The following CSF2RA variants were observed in gnomAD, a reference collection of about 807,000 sequenced individuals.
CSF2RA encodes the protein granulocyte-macrophage colony-stimulating factor receptor subunit alpha.
A neutral mutation model predicts 51.6 loss-of-function variants in CSF2RA; 42 were observed. The observed-to-expected ratio is 0.81, with a 90% confidence interval of 0.64 to 1.05. CSF2RA has a LOEUF of 1.05. Among genes scored for constraint, CSF2RA ranks in the 50% least tolerant of loss-of-function variants. The pLI, the probability that CSF2RA is intolerant of heterozygous loss-of-function variation, is 0.00. For synonymous variants in CSF2RA, 222 were observed against 193.0 expected, an observed-to-expected ratio of 1.15 and a Z score of -1.24; for missense variants, 530 against 501.1, an observed-to-expected ratio of 1.06 and a Z score of -0.55.
In CSF2RA at chrX:1,284,385, T is replaced by A. The variant is rs1292069902; in HGVS notation, c.77-1393T>A. On this transcript the variant is annotated intron_variant, in intron 3 of 12. Coordinates refer to ENST00000381529, the MANE Select transcript of CSF2RA (RefSeq NM_172245.4). ...GCCAAGCTAATTTAAATTTTTTTTT[T>A]AATTTTATAGAGGAGATCTTGCTAT... Among the ~76,000 whole-genome samples the A allele has an allele frequency of 3.2e-3, 451 of 142,722 alleles. 5 individuals are homozygous for A. The highest frequency in any genetic ancestry group is 0.025 in the East Asian group (116 of 4,694). 93.6% of individuals were successfully genotyped at this position (142,722 alleles called of 152,430 possible).
intron 12 of CSF2RA, chrX:1,305,941 G>T: frequency 1.4e-6 from 1 of 713,404 alleles, no homozygotes; most frequent in Non-Finnish European, 2.3e-6. Flanking sequence ...AATTAGCTGG[G>T]TGTGGTGGTG....
chrX:1,317,459 C>G, the CSF2RA span, among the ~76,000 whole-genome samples: 2 of 149,324 alleles, frequency 1.3e-5, no homozygotes. Context: ...CCACATCAGT[C>G]AGGCTGGTCT....
At chrX:1,316,080 AATAG>A in the CSF2RA span, among the ~76,000 whole-genome samples, 1 of 65,928 alleles carries the variant, frequency 1.5e-5, no homozygotes, top group Admixed American at 1.6e-4. Flanking sequence ...AGATAGATAG[AATAG>A]ATAAATGGAT....
intron 9 of CSF2RA, among the ~76,000 whole-genome samples, chrX:1,299,320 C>T (rs1401300416): frequency 6.6e-6 from 1 of 152,210 alleles, no homozygotes; most frequent in Non-Finnish European, 1.5e-5. Context: ...TCGGTATCCT[C>T]CTCTGTCCGA....
intron 3 of CSF2RA, among the ~76,000 whole-genome samples, chrX:1,283,593 G>A (rs1427455141): frequency 1.4e-5 from 2 of 141,136 alleles, no homozygotes; most frequent in Admixed American, 7.7e-5. Flanking sequence ...TCTTTTCAGA[G>A]TCTCCCTCTT....
At chrX:1,297,930 GC>G (rs2092082441) in intron 9 of CSF2RA, among the ~76,000 whole-genome samples, 1 of 37,710 alleles carries the variant, frequency 2.7e-5, no homozygotes, top group African/African-American at 1.2e-4. Flanking sequence ...ATGACCCCTG[GC>G]AGAACCCTAC....
chrX:1,287,367 T>C (rs1223060547), intron 4 of CSF2RA, among the ~76,000 whole-genome samples: 1 of 150,732 alleles, frequency 6.6e-6, no homozygotes. Context: ...TTGGCCAGGC[T>C]GGTCTCCAAC....
At chrX:1,312,224 C>T (rs1248236259), downstream of CSF2RA, among the ~76,000 whole-genome samples, 21 of 152,150 alleles carry the variant, frequency 1.4e-4, no homozygotes, top group Non-Finnish European at 1.9e-4. Context: ...CAGGTGTGAA[C>T]CACCACACCT....
At chrX:1,303,271 T>C (rs192586724) in intron 10 of CSF2RA, 288 of 422,650 alleles carry the variant, frequency 6.8e-4, no homozygotes, top group African/African-American at 5.2e-3. Context: ...GGTCTCACTC[T>C]GTCACCCAGG....
Position 1,288,847 on chromosome X carries a change from C to T in CSF2RA, c.432C>T (p.Ala144=), listed in dbSNP as rs2091063855. 1 of 1,613,902 alleles carries T rather than the reference C, an allele frequency of 6.2e-7. No homozygotes were observed. The highest frequency in any genetic ancestry group is 1.7e-5 in the Admixed American group (1 of 59,990). Residue 144 remains alanine (A), a synonymous_variant, in exon 6 of 13, where the codon GCC becomes GCT. Coordinates refer to ENST00000381529, the MANE Select transcript of CSF2RA (RefSeq NM_172245.4). ...MNCTWARGPT[A]PRDVQYFLYI... ...GTACCTGGGCGAGGGGTCCGACGGC[C>T]CCCCGTGACGTCCAGTATTTTTTGT...
In CSF2RA at chrX:1,305,472, C is replaced by T. The variant is rs770606889; in HGVS notation, c.1070C>T (p.Pro357Leu). ...KRFLRIQRLF[P>L]PVPQIKDKLN... ...TTCCTTAGGATACAGCGGCTGTTCC[C>T]GCCAGTTCCACAGATCAAAGACAAA... Residue 357 changes from proline to leucine, a missense_variant, in exon 12 of 13, where the codon CCG (proline) becomes CTG (leucine). Pro to Leu is a moderately conservative substitution (Grantham distance 98). Coordinates refer to ENST00000381529, the MANE Select transcript of CSF2RA (RefSeq NM_172245.4). 8.7e-6 allele frequency: 14 copies of T among 1,613,798 alleles called. No individual in the cohort carries two copies. The highest frequency in any genetic ancestry group is 2.2e-5 in the East Asian group (1 of 44,894).
Position 1,309,933 on chromosome X carries a change from G to A in CSF2RA, c.*454G>A, listed in dbSNP as rs1280138137. 1.8e-6 allele frequency: 1 copy of A among 565,498 alleles called. No homozygotes were observed. Among genetic ancestry groups the A allele is most frequent in the Non-Finnish European group, 3.1e-6 (1 of 321,938 alleles). 35.0% of individuals were successfully genotyped at this position (565,498 alleles called of 1,614,324 possible). ...ATAATAAAAACCTGATATTTGGCTG[G>A]GCGCCGTGGCTCATGCCTGTAATCC... On this transcript the variant is annotated 3_prime_UTR_variant, in exon 13 of 13. Coordinates refer to ENST00000381529, the MANE Select transcript of CSF2RA (RefSeq NM_172245.4).
chrX:1,289,809 GTTTTGTTTTGTTTTGTGTTTGT>G (rs2091180541), intron 6 of CSF2RA, among the ~76,000 whole-genome samples: 1 of 64,268 alleles, frequency 1.6e-5, no homozygotes, highest in African/African-American at 4.4e-5. Context: ...GTGTTTTTGT[GTTTTGTTTTGTTTTGTGTTTGT>G]TTTTGTTTTG....
the CSF2RA span, among the ~76,000 whole-genome samples, chrX:1,323,713 C>T: frequency 6.6e-6 from 1 of 151,346 alleles, no homozygotes; most frequent in Non-Finnish European, 1.5e-5. Flanking sequence ...GTGAGACCCC[C>T]ATCTCTTAAA....
intron 4 of CSF2RA, among the ~76,000 whole-genome samples, 154 bp from the exon 5 acceptor site, chrX:1,288,365 C>G (rs1342528892): frequency 7.4e-6 from 1 of 134,988 alleles, no homozygotes; most frequent in African/African-American, 2.5e-5. Context: ...GTCTGTAATC[C>G]GAGCTACTCG....
chrX:1,302,662 G>C (rs117441063), intron 10 of CSF2RA, among the ~76,000 whole-genome samples: 1 of 144,108 alleles, frequency 6.9e-6, no homozygotes, highest in Non-Finnish European at 1.5e-5. Context: ...CATGCATCAC[G>C]CTTGGCCAAT....
At chrX:1,280,967 C>T (rs1217485209) in intron 2 of CSF2RA, among the ~76,000 whole-genome samples, 2 of 125,038 alleles carry the variant, frequency 1.6e-5, no homozygotes, top group Non-Finnish European at 3.5e-5. Context: ...TCCTCCTTCT[C>T]CTCCTCCTGC....
intron 10 of CSF2RA, among the ~76,000 whole-genome samples, chrX:1,302,123 T>C (rs1365942594): frequency 8.9e-5 from 13 of 145,864 alleles, no homozygotes; most frequent in Admixed American, 7.6e-4. Flanking sequence ...ACCATGTTGG[T>C]CAGGCTGTTC....
the CSF2RA span, among the ~76,000 whole-genome samples, chrX:1,324,462 G>A: frequency 7.9e-6 from 1 of 127,112 alleles, no homozygotes. Context: ...AAAAGAAAGA[G>A]AAAGGGCAAG....
Sources: gnomAD v4.1 joint callset for allele counts (sites outside exome capture counted in the v4.1 genomes callset) on GRCh38, gnomAD v4.1.1 for gene constraint, MANE v1.5 for transcripts, NCBI Gene and HGNC (gene_info 2026-07-23, HGNC 2026-07-21) for gene names.